The following ADGRB3 variants were observed in gnomAD, a reference collection of about 807,000 sequenced individuals.
ADGRB3 encodes adhesion G protein-coupled receptor B3.
ADGRB3 carries 37 observed loss-of-function variants against 193.4 expected under a neutral mutation model. The observed-to-expected ratio is 0.19, with a 90% CI of 0.15 to 0.25. The LOEUF (loss-of-function observed/expected upper bound fraction) is 0.25. ADGRB3 is among the 10% of genes least tolerant of loss of function. The probability of loss-of-function intolerance (pLI) is 1.00; values close to 1 mark genes in which losing one functional copy is unlikely to be tolerated. For synonymous variants in ADGRB3, 690 were observed against 644.2 expected (o/e 1.07, Z -1.08); for missense variants, 1,637 against 1,852.9 (o/e 0.88, Z 2.14).
At position 69,320,412 on chromosome 6, in the gene ADGRB3, G is replaced by A. The variant is rs997042812; in HGVS notation, c.2815-4460G>A. On this transcript the variant is annotated intron_variant, in intron 20 of 31. Transcript: ENST00000370598. ...GTACATGTGCAGCTTTGTTAGACAT[G>A]GAGACTTACCACTTTCTTTGCTATC... is the stretch of plus-strand genomic sequence containing the variant. Among the ~76,000 whole-genome samples, 5 of 151,280 alleles carry A rather than the reference G, an allele frequency of 3.3e-5. No individual in the cohort carries two copies. In the East Asian group the frequency reaches 5.8e-4, roughly 18 times the overall value.
At chr6:68,873,290 A>T (rs1765509596) in intron 3 of ADGRB3, among the ~76,000 whole-genome samples, 1 of 152,122 alleles carries the variant, frequency 6.6e-6, no homozygotes, top group Non-Finnish European at 1.5e-5. Context: ...GCAATGGATG[A>T]CACTCATTTC....
At chr6:68,636,578 G>C (rs1767963894) in intron 1 of ADGRB3, among the ~76,000 whole-genome samples, 1 of 151,866 alleles carries the variant, frequency 6.6e-6, no homozygotes, top group Non-Finnish European at 1.5e-5. Flanking sequence ...AGTCCAAAGG[G>C]GGGTGAGGGT....
At chr6:68,898,526 A>G (rs1354704002) in intron 3 of ADGRB3, among the ~76,000 whole-genome samples, 1 of 152,146 alleles carries the variant, frequency 6.6e-6, no homozygotes, top group Non-Finnish European at 1.5e-5. Context: ...GCAAAACTTC[A>G]GAGTATTTGC....
intron 30 of ADGRB3, among the ~76,000 whole-genome samples, chr6:69,376,065 C>T (rs1769811392): frequency 7.0e-6 from 1 of 142,172 alleles, no homozygotes; most frequent in African/African-American, 2.6e-5. Flanking sequence ...CACAGTTTTC[C>T]ATGAAAATTA....
intron 3 of ADGRB3, among the ~76,000 whole-genome samples, chr6:68,860,876 C>T (rs1048304512): frequency 1.3e-5 from 2 of 151,360 alleles, no homozygotes. Context: ...TTTAAATATG[C>T]TTTTTTTTTA....
At chr6:69,368,324 A>T (rs143292332) in intron 29 of ADGRB3, among the ~76,000 whole-genome samples, 8 of 152,268 alleles carry the variant, frequency 5.3e-5, no homozygotes, top group South Asian at 2.1e-4. Flanking sequence ...CAGACAAGAG[A>T]TAACAGTTGC....
Position 68,956,649 on chromosome 6 carries a change from T to C in ADGRB3, c.1365T>C (p.Asn455=). ...ACCATGAAACATTTCTTTCAGCCAA[T>C]GGTCAATGGAATCAGTGGGGTCATT... is the stretch of plus-strand genomic sequence containing the variant. ...RECYNPECTA[N]GQWNQWGHWS... is the part of the protein sequence containing the mutation. The change falls in exon 8 of 32, where the codon AAT becomes AAC. Residue 455 remains asparagine, a synonymous_variant. Transcript: ENST00000370598. 3 of 1,613,884 alleles carry C rather than the reference T, an allele frequency of 1.9e-6. No individual in the cohort carries two copies. The highest frequency in any genetic ancestry group is 2.5e-6 in the Non-Finnish European group (3 of 1,179,884).
chr6:69,337,989 T>G (rs1377755556), intron 24 of ADGRB3, among the ~76,000 whole-genome samples: 1 of 152,236 alleles, frequency 6.6e-6, no homozygotes, highest in Non-Finnish European at 1.5e-5. Context: ...TTGTTTGGAA[T>G]TTTTAATTCA....
At chr6:68,866,574 G>C (rs1044863936) in intron 3 of ADGRB3, among the ~76,000 whole-genome samples, 2 of 152,212 alleles carry the variant, frequency 1.3e-5, no homozygotes, top group African/African-American at 2.4e-5. Context: ...TGGATAACAG[G>C]AAGAGTTTGG....
chr6:68,794,245 T>G (rs1273719239), intron 3 of ADGRB3, among the ~76,000 whole-genome samples: 2 of 152,048 alleles, frequency 1.3e-5, no homozygotes, highest in African/African-American at 4.8e-5. Context: ...ATCATGTAAA[T>G]CCAAATATAA....
At chr6:69,258,321 G>A (rs1279883931) in intron 20 of ADGRB3, among the ~76,000 whole-genome samples, 2 of 152,124 alleles carry the variant, frequency 1.3e-5, no homozygotes, top group Non-Finnish European at 2.9e-5. Context: ...TTTGTTTTTG[G>A]AACTTGGAAA....
At chr6:69,366,764 C>CAACAACAAAACA (rs1769577298) in intron 29 of ADGRB3, among the ~76,000 whole-genome samples, 2 of 152,202 alleles carry the variant, frequency 1.3e-5, no homozygotes, top group South Asian at 4.1e-4. Flanking sequence ...AGCAAAGCAG[C>CAACAACAAAACA]AACAACAAAA....
intron 3 of ADGRB3, among the ~76,000 whole-genome samples, chr6:68,639,747 G>A (rs117059134): frequency 0.022 from 3,294 of 152,094 alleles, 65 homozygotes; most frequent in South Asian, 0.065. Flanking sequence ...TCTTTATTCA[G>A]GCTGCAGCCC....
At chr6:69,292,553 T>C (rs1427497378) in intron 20 of ADGRB3, among the ~76,000 whole-genome samples, 1 of 152,070 alleles carries the variant, frequency 6.6e-6, no homozygotes, top group Admixed American at 6.6e-5. Flanking sequence ...TTCCTTCCAC[T>C]CCCCACCCCT....
chr6:68,776,631 A>C (rs1351376504), intron 3 of ADGRB3, among the ~76,000 whole-genome samples: 1 of 152,152 alleles, frequency 6.6e-6, no homozygotes, highest in Non-Finnish European at 1.5e-5. Context: ...AGAACTGCCA[A>C]TCATTTCTGC....
chr6:68,783,571 G>C (rs1267455336), intron 3 of ADGRB3, among the ~76,000 whole-genome samples: 1 of 151,666 alleles, frequency 6.6e-6, no homozygotes, highest in Non-Finnish European at 1.5e-5. Context: ...CTAAGAGCTT[G>C]GGAAGCGTGG....
intron 3 of ADGRB3, among the ~76,000 whole-genome samples, chr6:68,642,414 T>C (rs1323640699): frequency 6.6e-6 from 1 of 152,148 alleles, no homozygotes; most frequent in African/African-American, 2.4e-5. Context: ...TACTTTGAGA[T>C]AGGATTTATG....
At chr6:69,003,307 C>T (rs1769639848) in intron 11 of ADGRB3, among the ~76,000 whole-genome samples, 1 of 152,120 alleles carries the variant, frequency 6.6e-6, no homozygotes, top group Non-Finnish European at 1.5e-5. Flanking sequence ...CATGGAACCA[C>T]CTAAGGGAGT....
intron 17 of ADGRB3, among the ~76,000 whole-genome samples, chr6:69,104,571 T>C (rs1451732726): frequency 1.3e-5 from 2 of 152,014 alleles, no homozygotes; most frequent in Non-Finnish European, 2.9e-5. Context: ...AACATTTTAA[T>C]AAAAATGTAT....
Sources: gnomAD v4.1 joint callset for allele counts (sites outside exome capture counted in the v4.1 genomes callset) on GRCh38, gnomAD v4.1.1 for gene constraint, MANE v1.5 for transcripts, NCBI Gene and HGNC (gene_info 2026-07-23, HGNC 2026-07-21) for gene names.